The following MUC5B variants were observed in gnomAD, a reference collection of about 807,000 sequenced individuals.
MUC5B encodes the protein mucin 5B, oligomeric mucus/gel-forming, also known as mucin-5B.
A neutral mutation model predicts 376.9 loss-of-function variants in MUC5B; 116 were observed. The ratio of observed to expected loss-of-function variants is 0.31; its 90% CI spans 0.26 to 0.36. MUC5B has a LOEUF of 0.36. Ranked by LOEUF, MUC5B falls within the 10% of genes least tolerant of loss-of-function variation. The probability of loss-of-function intolerance (pLI) is 1.00; values close to 1 mark genes in which losing one functional copy is unlikely to be tolerated. For synonymous variants in MUC5B, 3,517 were observed against 3,390.9 expected, an observed-to-expected ratio of 1.04 and a Z score of -1.29; for missense variants, 7,165 against 7,769.9, an observed-to-expected ratio of 0.92 and a Z score of 2.93.
At position 1,246,082 on chromosome 11, in the gene MUC5B, C is replaced by T. The variant is rs375656666; in HGVS notation, c.9202C>T (p.Pro3068Ser). The change falls in exon 31 of 49, where the codon CCC becomes TCC. Residue 3068 changes from proline to serine, a missense_variant. Pro to Ser is a moderately conservative substitution (Grantham distance 74). Transcript: ENST00000529681. The stretch of plus-strand genomic sequence containing the variant: ...CAAATCCACAGCTACCAGCTTTACA[C>T]CCATCCCCTCCTTCACCCTTGGGAC... ...ATKSTATSFTPIPSFTLGTTG... is the reference protein window; with the variant it reads ...ATKSTATSFTSIPSFTLGTTG... 3.1e-6 allele frequency: 5 copies of T among 1,612,858 alleles called. No individual in the cohort carries two copies. In the African/African-American group the frequency reaches 5.4e-5, roughly 17 times the overall value.
In MUC5B at chr11:1,243,578, T is replaced by G. The variant is rs2943528; in HGVS notation, c.6698T>G (p.Val2233Gly). ...ACCCACATCACAGAGCCTTCCACGG[T>G]GACTTCCCACACCCTAGCAGCAACC... is the stretch of plus-strand genomic sequence containing the variant. ...GTTHITEPSTVTSHTLAATTG... is the reference protein window; with the variant it reads ...GTTHITEPSTGTSHTLAATTG... The change falls in exon 31 of 49, where the codon GTG (valine) becomes GGG (glycine). Residue 2233 changes from valine to glycine, a missense_variant. Val to Gly is a moderately radical substitution (Grantham distance 109, BLOSUM62 -3). Transcript: ENST00000529681. The G allele has an allele frequency of 0.083, 127,702 of 1,540,886 alleles. 4,432 individuals carry two copies. Among genetic ancestry groups the G allele is most frequent in the Admixed American group, 0.12 (6,965 of 57,872 alleles).
chr11:1,247,929 C>G lies in MUC5B; in HGVS notation c.11049C>G (p.Pro3683=), dbSNP rs1336252824. ...CGGCCACCAGCTCTACGGCCACGCC[C>G]TCCTCAACTCCGGGGACGACCTGGA... ...STPATSSTAT[P]SSTPGTTWIL... Residue 3683 remains proline, a synonymous_variant, in exon 31 of 49, where the codon CCC becomes CCG. Transcript: ENST00000529681. 6.2e-7 allele frequency: 1 copy of G among 1,611,392 alleles called. No individual in the cohort carries two copies. The highest frequency in any genetic ancestry group is 8.5e-7 in the Non-Finnish European group (1 of 1,178,402).
intron 14 of MUC5B, 106 bp downstream of exon 14, chr11:1,231,666 G>C (rs1046086890): frequency 3.5e-5 from 47 of 1,360,490 alleles, no homozygotes; most frequent in Non-Finnish European, 4.1e-5. Context: ...GGACCGGGGA[G>C]GGGGCTGCCC....
Position 1,241,555 on chromosome 11 carries a change from C to A in MUC5B, c.4675C>A (p.Leu1559Met), listed in dbSNP as rs373512023. 7.4e-5 allele frequency: 119 copies of A among 1,612,496 alleles called. No individual in the cohort carries two copies. The highest frequency in any genetic ancestry group is 9.2e-5 in the Non-Finnish European group (108 of 1,179,418). ...CQAESFPNWT[L>M]AQVGQKVHCD... ...GGCCGAGAGCTTCCCCAACTGGACC[C>A]TGGCACAGGTGGGGCAGAAGGTGCA... The change falls in exon 31 of 49, where the codon CTG becomes ATG. Residue 1559 changes from leucine to methionine, a missense_variant. Around this residue, in one of 31 missense-constraint regions of MUC5B, gnomAD observed 517 missense variants for 545.3 expected, o/e 0.95. Coordinates refer to ENST00000529681, the MANE Select transcript of MUC5B (RefSeq NM_002458.3).
At position 1,241,872 on chromosome 11, in the gene MUC5B, C is replaced by A; in HGVS notation, c.4992C>A (p.Ser1664Arg). Residue 1664 changes from serine (S) to arginine (R), a missense_variant, in exon 31 of 49, where the codon AGC (serine) becomes AGA (arginine). By Grantham distance (110) the Ser-to-Arg change is moderately radical. Coordinates refer to ENST00000529681, the MANE Select transcript of MUC5B (RefSeq NM_002458.3). Reference protein sequence around the residue: ...SEGLTSPRYTSTLGTATTGGP... With the variant: ...SEGLTSPRYTRTLGTATTGGP... ...GACTGACATCCCCCAGATACACAAG[C>A]ACCCTTGGTACAGCCACCACGGGAG... 1 of 1,613,200 alleles carries A rather than the reference C, an allele frequency of 6.2e-7. No individual in the cohort carries two copies. Among genetic ancestry groups the A allele is most frequent in the African/African-American group, 1.3e-5 (1 of 75,012 alleles).
Position 1,250,656 on chromosome 11 carries a change from A to C in MUC5B, c.13776A>C (p.Lys4592Asn), listed in dbSNP as rs552775870. 5.6e-6 allele frequency: 9 copies of C among 1,611,834 alleles called. No homozygotes were observed. Among genetic ancestry groups the C allele is most frequent in the Non-Finnish European group, 7.6e-6 (9 of 1,178,884 alleles). ...CCCCAGGAACAGCTCACACTACCAA[A>C]GTGCCGACTACCACAACCACGGGCT... ...SSTPGTAHTT[K>N]VPTTTTTGFT... The change falls in exon 31 of 49, where the codon AAA (lysine) becomes AAC (asparagine). Residue 4592 changes from lysine to asparagine, a missense_variant. Around this residue, in one of 31 missense-constraint regions of MUC5B, gnomAD observed 730 missense variants for 592.7 expected, o/e 1.23. Transcript: ENST00000529681.
At position 1,247,966 on chromosome 11, in the gene MUC5B, C is replaced by G. The variant is rs780054706; in HGVS notation, c.11086C>G (p.Leu3696Val). 1.2e-6 allele frequency: 2 copies of G among 1,610,984 alleles called. No homozygotes were observed. Among genetic ancestry groups the G allele is most frequent in the Non-Finnish European group, 1.7e-6 (2 of 1,177,994 alleles). Residue 3696 changes from leucine to valine, a missense_variant, in exon 31 of 49, where the codon CTG becomes GTG. Physicochemically the swap from Leu to Val is conservative, Grantham distance 32. This residue lies in a region of MUC5B where 90 missense variants were observed against 71.1 expected (regional missense o/e 1.27). Coordinates refer to ENST00000529681, the MANE Select transcript of MUC5B (RefSeq NM_002458.3). ...TPGTTWILTK[L>V]TTTATTTEST... ...GGGGACGACCTGGATCCTCACAAAG[C>G]TGACCACAACAGCCACTACGACTGA...
chr11:1,237,240 T>G, intron 25 of MUC5B, 76 bp downstream of exon 25: 1 of 1,308,096 alleles, frequency 7.6e-7, no homozygotes, highest in Non-Finnish European at 9.7e-7. Flanking sequence ...CTGGGTCTTC[T>G]GGGCAGACAG....
In MUC5B at chr11:1,247,083, C is replaced by T. The variant is rs1862500805; in HGVS notation, c.10203C>T (p.Gly3401=). The T allele has an allele frequency of 6.4e-7, 1 of 1,562,658 alleles. No homozygotes were observed. The highest frequency in any genetic ancestry group is 8.7e-7 in the Non-Finnish European group (1 of 1,153,664). ...TTTATTITAT[G]STTNPSSTPG... is the part of the protein sequence containing the mutation. ...CGGCCACTACGATCACAGCCACCGGCTCCACCACCAACCCCTCCTCAACTC... is the reference window on the plus strand; with the variant it reads ...CGGCCACTACGATCACAGCCACCGGTTCCACCACCAACCCCTCCTCAACTC... Residue 3401 remains glycine, a synonymous_variant, in exon 31 of 49, where the codon GGC becomes GGT. Transcript: ENST00000529681.
At chr11:1,240,718 C>A (rs2133822947) in intron 30 of MUC5B, 133 bp from the exon 31 acceptor site, 1 of 860,958 alleles carries the variant, frequency 1.2e-6, no homozygotes, top group Non-Finnish European at 1.7e-6. Context: ...AAGGCTGAGG[C>A]AGGCACTGGG....
In MUC5B at chr11:1,250,426, A is replaced by C; in HGVS notation, c.13546A>C (p.Thr4516Pro). 6.3e-7 allele frequency: 1 copy of C among 1,594,598 alleles called. No individual in the cohort carries two copies. Among genetic ancestry groups the C allele is most frequent in the Non-Finnish European group, 8.6e-7 (1 of 1,164,034 alleles). Residue 4516 changes from threonine to proline, a missense_variant, in exon 31 of 49, where the codon ACA (threonine) becomes CCA (proline). Physicochemically the swap from Thr to Pro is conservative, Grantham distance 38 (BLOSUM62 -1). Transcript: ENST00000529681. ...TCCAGCACTGAGAAGCACAGCCACCACACCCACAGCTACCAGCTTTACAGC... is the reference window on the plus strand; with the variant it reads ...TCCAGCACTGAGAAGCACAGCCACCCCACCCACAGCTACCAGCTTTACAGC... ...ALPALRSTAT[T>P]PTATSFTAIP...
rs1269924418 is a variant in MUC5B at position 1,247,833 on chromosome 11, G to A, written c.10953G>A (p.Gly3651=). The change falls in exon 31 of 49, where the codon GGG becomes GGA. Residue 3651 remains glycine, a synonymous_variant. Transcript: ENST00000529681. ...TCTGCAGGAACCGTGAGCAGGTGGG[G>A]AAGTTCAAGATGTGCTTCAACTATG... ...GLVCRNREQV[G]KFKMCFNYEI... 9 of 1,606,654 alleles carry A rather than the reference G, an allele frequency of 5.6e-6. No homozygotes were observed. The highest frequency in any genetic ancestry group is 4.4e-5 in the South Asian group (4 of 90,884).
Position 1,254,203 on chromosome 11 carries a change from G to A in MUC5B, c.15329G>A (p.Gly5110Glu). Residue 5110 changes from glycine to glutamate, a missense_variant, in exon 34 of 49, where the codon GGG (glycine) becomes GAG (glutamate). Gly to Glu is a moderately conservative substitution (Grantham distance 98). This residue lies in a region of MUC5B where 842 missense variants were observed against 1,016.9 expected (regional missense o/e 0.83). Transcript: ENST00000529681. ...ATGAGAGAGATCCATGCACGCTTTG[G>A]GAATCTCAGCCTCTACCTGGACAAC... ...VLMREIHARFGNLSLYLDNHY... is the reference protein window; with the variant it reads ...VLMREIHARFENLSLYLDNHY... 6.2e-7 allele frequency: 1 copy of A among 1,612,816 alleles called. No individual in the cohort carries two copies. Among genetic ancestry groups the A allele is most frequent in the Non-Finnish European group, 8.5e-7 (1 of 1,179,864 alleles).
rs372980435 is a variant in MUC5B, at chr11:1,254,135, C to T, written c.15261C>T (p.Asp5087=). 3.0e-5 allele frequency: 49 copies of T among 1,612,814 alleles called. No homozygotes were observed. In the African/African-American group the frequency reaches 3.7e-4, roughly 12 times the overall value. The change falls in exon 34 of 49, where the codon GAC becomes GAT. Residue 5087 remains aspartate, a synonymous_variant. Coordinates refer to ENST00000529681, the MANE Select transcript of MUC5B (RefSeq NM_002458.3). ...MWGGSHYSTF[D]GTSYTFRGNC... is the part of the protein sequence containing the mutation. ...GCGGCTCCCACTATTCCACCTTTGA[C>T]GGCACCTCTTACACCTTCCGGGGCA...
Position 1,249,910 on chromosome 11 carries a change from C to A in MUC5B, c.13030C>A (p.Pro4344Thr). 2 of 1,613,238 alleles carry A rather than the reference C, an allele frequency of 1.2e-6. No individual in the cohort carries two copies. The highest frequency in any genetic ancestry group is 1.7e-6 in the Non-Finnish European group (2 of 1,179,716). The change falls in exon 31 of 49, where the codon CCC (proline) becomes ACC (threonine). Residue 4344 changes from proline to threonine, a missense_variant. Around this residue, in one of 31 missense-constraint regions of MUC5B, gnomAD observed 431 missense variants for 390.4 expected, o/e 1.10. Transcript: ENST00000529681. Reference protein sequence around the residue: ...TGTLPEQTTTPVATMSTIHPS... With the variant: ...TGTLPEQTTTTVATMSTIHPS... ...GACCCTCCCAGAACAGACCACCACA[C>A]CCGTGGCCACCATGTCCACAATCCA... is the stretch of plus-strand genomic sequence containing the variant.
chr11:1,242,601 C>A lies in MUC5B; in HGVS notation c.5721C>A (p.Leu1907=). 2 of 1,613,808 alleles carry A rather than the reference C, an allele frequency of 1.2e-6. No homozygotes were observed. The highest frequency in any genetic ancestry group is 8.5e-7 in the Non-Finnish European group (1 of 1,179,814). Residue 1907 remains leucine, a synonymous_variant, in exon 31 of 49, where the codon CTC becomes CTA. Transcript: ENST00000529681. Reference sequence around the variant, plus strand: ...CAACTCCGGGGACGACCTGGATCCTCACAAAGCCGACCACAACAGCCACTA... The same window carrying A: ...CAACTCCGGGGACGACCTGGATCCTAACAAAGCCGACCACAACAGCCACTA... ...PSSTPGTTWI[L]TKPTTTATTT...
Position 1,235,359 on chromosome 11 carries a change from C to T in MUC5B, c.2826C>T (p.Ile942=), listed in dbSNP as rs752433912. 5.6e-6 allele frequency: 9 copies of T among 1,612,610 alleles called. No individual in the cohort carries two copies. The highest frequency in any genetic ancestry group is 2.2e-5 in the East Asian group (1 of 44,884). Reference sequence around the variant, plus strand: ...CCTTCCGCATCGTCACCGAGAACATCCCCTGTGGGACCACCGGCACCACCT... The same window carrying T: ...CCTTCCGCATCGTCACCGAGAACATTCCCTGTGGGACCACCGGCACCACCT... ...HGTFRIVTEN[I]PCGTTGTTCS... Residue 942 remains isoleucine, a synonymous_variant, in exon 23 of 49, where the codon ATC becomes ATT. Coordinates refer to ENST00000529681, the MANE Select transcript of MUC5B (RefSeq NM_002458.3).
intron 10 of MUC5B, 34 bp downstream of exon 10, chr11:1,229,841 G>A (rs747697404): frequency 1.3e-6 from 2 of 1,559,734 alleles, no homozygotes; most frequent in Admixed American, 1.9e-5. Flanking sequence ...CGCCTGGGGT[G>A]GGGTGTGGAG....
At position 1,241,484 on chromosome 11, in the gene MUC5B, C is replaced by A. The variant is rs1862282383; in HGVS notation, c.4604C>A (p.Ala1535Asp). Residue 1535 changes from alanine (A) to aspartate (D), a missense_variant, in exon 31 of 49, where the codon GCC becomes GAC. This residue lies in a region of MUC5B where 517 missense variants were observed against 545.3 expected (regional missense o/e 0.95). Transcript: ENST00000529681. ...GTTGAGTCCTACGATAAGATCAGGG[C>A]CGCTGGAGGGCACTTATGCCAGCAG... ...GDVESYDKIRAAGGHLCQQPK... is the reference protein window; with the variant it reads ...GDVESYDKIRDAGGHLCQQPK... 4 of 1,613,622 alleles carry A rather than the reference C, an allele frequency of 2.5e-6. No homozygotes were observed. Among genetic ancestry groups the A allele is most frequent in the African/African-American group, 1.3e-5 (1 of 74,908 alleles).
Sources: gnomAD v4.1 joint callset for allele counts on GRCh38, gnomAD v4.1.1 for gene constraint, gnomAD v4.1.1 regional missense constraint, MANE v1.5 for transcripts, NCBI Gene and HGNC (gene_info 2026-07-23, HGNC 2026-07-21) for gene names.